Variants in NOMO3 observed in about 807,000 individuals in gnomAD.
The protein encoded by NOMO3 is BOS complex subunit NOMO3.
NOMO3 carries 15 observed loss-of-function variants against 69.9 expected under a neutral mutation model. The observed-to-expected ratio is 0.21, with a 90% CI of 0.14 to 0.33. The LOEUF (loss-of-function observed/expected upper bound fraction) is 0.33. NOMO3 is among the 10% of genes least tolerant of loss of function. The pLI is 1.00. For missense variants in NOMO3, 218 were observed against 761.0 expected (o/e 0.29, Z 8.39); for synonymous variants, 89 against 301.9 (o/e 0.29, Z 7.31).
chr16:16,248,308 A>C (rs1041541763), intron 6 of NOMO3, among the ~76,000 whole-genome samples: 1 of 133,810 alleles, frequency 7.5e-6, no homozygotes, highest in African/African-American at 3.0e-5. Context: ...CTGGTCTCGA[A>C]CTCCTAGCCT....
At position 16,265,040 on chromosome 16, in the gene NOMO3, C is replaced by T. The variant is rs1350247622; in HGVS notation, c.1670-3C>T. ...TATCCGTTTTTGGTGTTTGCTTTTG[C>T]AGTAAGCATCATGCATGAGGATTGG... On this transcript the variant is annotated splice_region_variant and splice_polypyrimidine_tract_variant and intron_variant, in intron 14 of 30. Coordinates refer to ENST00000399336, the MANE Select transcript of NOMO3 (RefSeq NM_001004067.4). 4 of 1,544,674 alleles carry T rather than the reference C, an allele frequency of 2.6e-6. No individual in the cohort carries two copies. Among genetic ancestry groups the T allele is most frequent in the East Asian group, 2.6e-5 (1 of 38,940 alleles).
intron 2 of NOMO3, among the ~76,000 whole-genome samples, chr16:16,238,217 A>T (rs1325552984): frequency 1.5e-5 from 2 of 136,072 alleles, no homozygotes; most frequent in Admixed American, 1.4e-4. Flanking sequence ...CAACATTAGC[A>T]TAGATAGATC....
At chr16:16,254,411 G>A (rs1308976307) in intron 9 of NOMO3, among the ~76,000 whole-genome samples, 2 of 142,454 alleles carry the variant, frequency 1.4e-5, no homozygotes, top group African/African-American at 2.9e-5. Flanking sequence ...AATGAAACAT[G>A]TCTTTTTGGA....
chr16:16,263,400 CT>C, intron 13 of NOMO3, 112 bp from the exon 14 acceptor site: 3 of 1,532,514 alleles, frequency 2.0e-6, no homozygotes, highest in Non-Finnish European at 2.6e-6. Context: ...CCTCCGGCCA[CT>C]GCCTCTTAGG....
rs2049566874 is a variant in NOMO3, at chr16:16,261,605, TTGGTCACCG to T, written c.1328_1336del (p.Val443_Val445del). The T allele has an allele frequency of 6.3e-7, 1 of 1,586,326 alleles. No homozygotes were observed. The highest frequency in any genetic ancestry group is 1.1e-5 in the South Asian group (1 of 89,060). On this transcript the variant is annotated inframe_deletion, in exon 12 of 31. Transcript: ENST00000399336. ...GTCATCTCAAGACAAGGACAAGTCTTTGGTCACCGTGGAGACAGATGCTCATGGATCATT... is the reference window on the plus strand; with the variant it reads ...GTCATCTCAAGACAAGGACAAGTCTTTGGAGACAGATGCTCATGGATCATT...
At chr16:16,263,363 G>C (rs4992353) in intron 13 of NOMO3, 148 bp downstream of exon 13, 301,800 of 1,573,376 alleles carry the variant, frequency 0.19, 41,044 homozygotes, top group Middle Eastern at 0.22. Flanking sequence ...GTGGGTACAT[G>C]TTAACTTGAA....
intron 9 of NOMO3, among the ~76,000 whole-genome samples, chr16:16,254,919 G>A (rs1290046726): frequency 1.4e-5 from 2 of 143,480 alleles, no homozygotes; most frequent in Non-Finnish European, 3.0e-5. Flanking sequence ...GGTGGTCTAG[G>A]TGGATTTCTT....
chr16:16,257,840 C>A (rs1305050757), intron 11 of NOMO3, among the ~76,000 whole-genome samples: 1 of 143,276 alleles, frequency 7.0e-6, no homozygotes, highest in Non-Finnish European at 1.5e-5. Context: ...GAATGGAAGA[C>A]AGGGAAGCAA....
rs1314916269 is a variant in NOMO3 at position 16,254,927 on chromosome 16, CT to C, written c.964-784del. ...GGAGGAGGGTGGTCTAGGTGGATTT[CT>C]TTTTTTTTCTTTGAGACAGAGTCTT... On this transcript the variant is annotated intron_variant, in intron 9 of 30. Coordinates refer to ENST00000399336, the MANE Select transcript of NOMO3 (RefSeq NM_001004067.4). Among the ~76,000 whole-genome samples, 9 of 142,342 alleles carry C rather than the reference CT, an allele frequency of 6.3e-5. No individual in the cohort carries two copies. The South Asian group carries it at 6.7e-4, about 11-fold the overall frequency. The allele number at this position is 142,342 out of a possible 152,430, so 93.4% of individuals were successfully genotyped here. A position where few individuals can be genotyped will look rare whatever the true frequency, so the allele number is the denominator to read the frequency against.
At chr16:16,244,512 T>C (rs2049401366) in intron 4 of NOMO3, among the ~76,000 whole-genome samples, 2 of 44,340 alleles carry the variant, frequency 4.5e-5, no homozygotes, top group East Asian at 6.0e-4. Flanking sequence ...GTACATTTAC[T>C]TTTTTTTTTT....
intron 1 of NOMO3, among the ~76,000 whole-genome samples, chr16:16,235,599 C>T (rs2049319842): frequency 6.9e-6 from 1 of 145,158 alleles, no homozygotes; most frequent in Non-Finnish European, 1.5e-5. Context: ...TCACCAAAGC[C>T]TCTGACTCCT....
Position 16,249,997 on chromosome 16 carries a change from A to G in NOMO3, c.583-931A>G, listed in dbSNP as rs866351575. Among the ~76,000 whole-genome samples the G allele has an allele frequency of 3.3e-4, 45 of 138,272 alleles. 2 individuals are homozygous for G. The South Asian group carries it at 4.5e-3, about 14-fold the overall frequency. The allele number at this position is 138,272 out of a possible 152,430, so 90.7% of individuals were successfully genotyped here. A position where few individuals can be genotyped will look rare whatever the true frequency, so the allele number is the denominator to read the frequency against. On this transcript the variant is annotated intron_variant, in intron 6 of 30. Transcript: ENST00000399336. ...TAATTGAGCATAGAACAATTTGTCA[A>G]TTGGGCAGCTCCCTGAGCCAGAATA... is the stretch of plus-strand genomic sequence containing the variant.
chr16:16,260,367 A>G lies in NOMO3; in HGVS notation c.1221-1135A>G, dbSNP rs1173829312. Among the ~76,000 whole-genome samples, 4 of 140,804 alleles carry G rather than the reference A, an allele frequency of 2.8e-5. 1 individual carries two copies. Among genetic ancestry groups the G allele is most frequent in the African/African-American group, 1.2e-4 (4 of 33,328 alleles). 92.4% of individuals were successfully genotyped at this position (140,804 alleles called of 152,430 possible). ...AACTTTAACCACTTAAGAGTGTAAA[A>G]TTCTTTTTCTCGGCTTGCAGTTCAT... On this transcript the variant is annotated intron_variant, in intron 11 of 30. Coordinates refer to ENST00000399336, the MANE Select transcript of NOMO3 (RefSeq NM_001004067.4).
chr16:16,259,380 ACTCC>A (rs2049545291), intron 11 of NOMO3, among the ~76,000 whole-genome samples: 1 of 141,858 alleles, frequency 7.0e-6, no homozygotes, highest in African/African-American at 3.0e-5. Context: ...CCAGGGTCTT[ACTCC>A]GTTGCCCAGG....
chr16:16,265,666 A>ATG (rs1949437355), intron 15 of NOMO3, among the ~76,000 whole-genome samples: 2 of 32,634 alleles, frequency 6.1e-5, no homozygotes, highest in African/African-American at 1.6e-4. Context: ...ATATATATAT[A>ATG]TATATTTTTT....
chr16:16,272,581 ACGTGGCCCT>A (rs1430904650), intron 18 of NOMO3, among the ~76,000 whole-genome samples: 25 of 84,444 alleles, frequency 3.0e-4, no homozygotes, highest in African/African-American at 1.2e-3. Flanking sequence ...CCTTCTTACC[ACGTGGCCCT>A]CAGCCCTGGT....
rs1006598112 is a variant in NOMO3 at position 16,268,716 on chromosome 16, C to T, written c.1895-1405C>T. Among the ~76,000 whole-genome samples the T allele has an allele frequency of 2.8e-5, 4 of 142,054 alleles. 1 individual carries two copies. The highest frequency in any genetic ancestry group is 8.9e-5 in the African/African-American group (3 of 33,814). The allele number at this position is 142,054 out of a possible 152,430, so 93.2% of individuals were successfully genotyped here. ...AAAGAAGTGTGGCAGTGCGTGGCTG[C>T]CAGCATGGGTTCAGCAGCTGGTAGA... On this transcript the variant is annotated intron_variant, in intron 16 of 30. Transcript: ENST00000399336.
chr16:16,239,226 C>CT (rs2049355657), intron 2 of NOMO3, among the ~76,000 whole-genome samples: 1 of 144,592 alleles, frequency 6.9e-6, no homozygotes, highest in African/African-American at 2.8e-5. Flanking sequence ...TTATGGTTCA[C>CT]TGCAGCACTG....
intron 1 of NOMO3, among the ~76,000 whole-genome samples, chr16:16,235,383 G>A (rs1480255137): frequency 6.7e-6 from 1 of 148,396 alleles, no homozygotes; most frequent in Non-Finnish European, 1.5e-5. Context: ...GCCTCAGAGT[G>A]GTTGAGCTGT....
Sources: allele counts gnomAD v4.1 joint callset (sites outside exome capture counted in the v4.1 genomes callset), GRCh38; gene constraint gnomAD v4.1.1; transcripts MANE v1.5; gene names NCBI Gene and HGNC (gene_info 2026-07-23, HGNC 2026-07-21).